FSHR: variants seen among roughly 807,000 people sequenced by gnomAD.
FSHR encodes follicle-stimulating hormone receptor.
In FSHR, 46 loss-of-function variants were observed where a neutral mutation model predicts 52.1. The ratio of observed to expected loss-of-function variants is 0.88; its 90% CI spans 0.70 to 1.13. FSHR has a LOEUF of 1.13. Ranked by LOEUF, FSHR falls within the 50% of genes most tolerant of loss-of-function variation. The probability of loss-of-function intolerance (pLI) is 0.00; values close to 1 mark genes in which losing one functional copy is unlikely to be tolerated. For synonymous variants in FSHR, 399 were observed against 309.6 expected (o/e 1.29, Z -3.03); for missense variants, 964 against 834.6 (o/e 1.16, Z -1.91).
intron 1 of FSHR, among the ~76,000 whole-genome samples, chr2:49,107,432 G>C (rs1301662244): frequency 6.6e-6 from 1 of 152,036 alleles, no homozygotes. Context: ...GGCTGACCTG[G>C]CTGTTTCACT....
intron 4 of FSHR, among the ~76,000 whole-genome samples, chr2:49,013,385 T>G (rs1667347688): frequency 6.7e-6 from 1 of 150,282 alleles, no homozygotes; most frequent in Non-Finnish European, 1.5e-5. Context: ...GAGGGCCACC[T>G]ATGAGTTTAG....
At chr2:49,122,066 G>T (rs1015442030) in intron 1 of FSHR, among the ~76,000 whole-genome samples, 8 of 152,316 alleles carry the variant, frequency 5.3e-5, no homozygotes, top group Non-Finnish European at 8.8e-5. Context: ...CCTTGCTGTA[G>T]CTTATTTTCT....
At chr2:49,019,301 C>T (rs944635573) in intron 3 of FSHR, among the ~76,000 whole-genome samples, 14 of 152,160 alleles carry the variant, frequency 9.2e-5, no homozygotes, top group Non-Finnish European at 1.3e-4. Context: ...TTTAAAAATA[C>T]CTTATAATTC....
intron 2 of FSHR, among the ~76,000 whole-genome samples, chr2:49,041,857 C>A (rs1463446822): frequency 6.6e-6 from 1 of 152,052 alleles, no homozygotes; most frequent in Non-Finnish European, 1.5e-5. Flanking sequence ...CCTAAAGTAC[C>A]TTAACCAGGC....
rs548054665 is a variant in FSHR, at chr2:49,054,603, C to T, written c.224+13616G>A. ...CCCATGCCTCTGATCAAAGTAATAG[C>T]CACATGGCCCCAACCCCAGTGAGCC... On this transcript the variant is annotated intron_variant, in intron 2 of 9. Coordinates refer to ENST00000406846, the MANE Select transcript of FSHR (RefSeq NM_000145.4). 2.6e-5 allele frequency among the ~76,000 whole-genome samples: 4 copies of T among 152,266 alleles called. No individual in the cohort carries two copies. In the South Asian group the frequency reaches 8.3e-4, roughly 32 times the overall value.
At chr2:49,047,870 T>G (rs1428875947) in intron 2 of FSHR, among the ~76,000 whole-genome samples, 1 of 152,154 alleles carries the variant, frequency 6.6e-6, no homozygotes, top group Admixed American at 6.6e-5. Flanking sequence ...AACTTCAGGT[T>G]GTACAGCTTA....
chr2:48,962,975 G>C lies in FSHR; in HGVS notation c.1846C>G (p.Pro616Ala). The C allele has an allele frequency of 6.2e-7, 1 of 1,614,146 alleles. No individual in the cohort carries two copies. Among genetic ancestry groups the C allele is most frequent in the Non-Finnish European group, 8.5e-7 (1 of 1,180,012 alleles). ...AAGGGGTTGGCACAGGAGTTGATGG[G>C]GTGAAACAGAACCAGCAGAATCTTT... ...KAKILLVLFH[P>A]INSCANPFLY... The change falls in exon 10 of 10, where the codon CCC (proline) becomes GCC (alanine). Residue 616 changes from proline (P) to alanine (A), a missense_variant. Transcript: ENST00000406846.
At chr2:49,133,840 T>C (rs1468752313) in intron 1 of FSHR, among the ~76,000 whole-genome samples, 2 of 152,146 alleles carry the variant, frequency 1.3e-5, no homozygotes, top group African/African-American at 4.8e-5. Context: ...ATTTAATAAA[T>C]GGTACTGGGA....
intron 4 of FSHR, among the ~76,000 whole-genome samples, chr2:48,998,923 ATAT>A (rs1291617086): frequency 2.6e-5 from 4 of 152,074 alleles, no homozygotes; most frequent in African/African-American, 9.7e-5. Context: ...ATTCTTTAAA[ATAT>A]TATTTTTGTG....
intron 1 of FSHR, among the ~76,000 whole-genome samples, chr2:49,104,600 T>C (rs1572750002): frequency 6.6e-6 from 1 of 152,138 alleles, no homozygotes; most frequent in South Asian, 2.1e-4. Context: ...AAGTGAAAAA[T>C]GGTTTGCAGA....
intron 1 of FSHR, among the ~76,000 whole-genome samples, chr2:49,090,124 AGTGTGTGTGT>A (rs35574043): frequency 0.011 from 1,583 of 148,874 alleles, 27 homozygotes; most frequent in Middle Eastern, 0.034. Flanking sequence ...AGTAAAATCG[AGTGTGTGTGT>A]GTGTGTGTGT....
chr2:49,014,423 G>T (rs556020365), intron 4 of FSHR, among the ~76,000 whole-genome samples: 1 of 152,088 alleles, frequency 6.6e-6, no homozygotes, highest in Non-Finnish European at 1.5e-5. Flanking sequence ...TTAGTGGCAG[G>T]TGGCACAGAT....
intron 1 of FSHR, among the ~76,000 whole-genome samples, chr2:49,075,142 T>C (rs1669900838): frequency 6.6e-6 from 1 of 152,098 alleles, no homozygotes; most frequent in Non-Finnish European, 1.5e-5. Context: ...AGGATGACTA[T>C]AGTTAACAAT....
chr2:49,100,739 A>G (rs1201066216), intron 1 of FSHR, among the ~76,000 whole-genome samples: 1 of 152,240 alleles, frequency 6.6e-6, no homozygotes, highest in African/African-American at 2.4e-5. Flanking sequence ...AGAAGAATGT[A>G]GCACTATCAA....
intron 6 of FSHR, among the ~76,000 whole-genome samples, chr2:48,985,791 G>A (rs933538418): frequency 5.1e-5 from 6 of 116,730 alleles, no homozygotes; most frequent in Admixed American, 2.3e-4. Context: ...TCGGCTCACT[G>A]CAAGTTCCGC....
intron 1 of FSHR, among the ~76,000 whole-genome samples, chr2:49,135,924 G>A (rs1377735095): frequency 6.6e-6 from 1 of 152,052 alleles, no homozygotes; most frequent in African/African-American, 2.4e-5. Flanking sequence ...AGTAGGCTGA[G>A]GGGAGGAGGA....
chr2:49,060,552 T>G (rs1572692985), intron 2 of FSHR, among the ~76,000 whole-genome samples: 1 of 152,186 alleles, frequency 6.6e-6, no homozygotes, highest in Admixed American at 6.5e-5. Flanking sequence ...CCTAGAACAG[T>G]CACATCCCAC....
At position 49,110,617 on chromosome 2, in the gene FSHR, T is replaced by G. The variant is rs113911101; in HGVS notation, c.153-42327A>C. 6.4e-3 allele frequency among the ~76,000 whole-genome samples: 980 copies of G among 152,280 alleles called. 3 individuals are homozygous for G. The highest frequency in any genetic ancestry group is 0.011 in the Non-Finnish European group (765 of 68,010). On this transcript the variant is annotated intron_variant, in intron 1 of 9. Transcript: ENST00000406846. ...GATCAAGGATCCTATTTCTTCTGTT[T>G]CCCTGTGACAGCTGGTAAAGGATTT...
At chr2:48,967,624 C>G (rs1370650210) in intron 9 of FSHR, among the ~76,000 whole-genome samples, 1 of 152,184 alleles carries the variant, frequency 6.6e-6, no homozygotes, top group African/African-American at 2.4e-5. Context: ...CCCAATGATG[C>G]ATGCAGATTC....
Sources: gnomAD v4.1 joint callset for allele counts (sites outside exome capture counted in the v4.1 genomes callset) on GRCh38, gnomAD v4.1.1 for gene constraint, MANE v1.5 for transcripts, NCBI Gene and HGNC (gene_info 2026-07-23, HGNC 2026-07-21) for gene names.